Variants in RPL8 observed in about 807,000 individuals in gnomAD.
The protein encoded by RPL8 is large ribosomal subunit protein uL2.
For missense variants in RPL8, 248 were observed against 365.9 expected, an observed-to-expected ratio of 0.68 and a Z score of 2.63; for synonymous variants, 182 against 143.2, an observed-to-expected ratio of 1.27 and a Z score of -1.94.
chr8:144,791,715 T>C (rs1405001964), intron 2 of RPL8, 58 bp downstream of exon 2: 8 of 1,608,834 alleles, frequency 5.0e-6, no homozygotes, highest in Non-Finnish European at 6.8e-6. Flanking sequence ...CGTTAACTCC[T>C]CAGGCAACAC....
Position 144,791,795 on chromosome 8 carries a change from C to T in RPL8, c.258G>A (p.Gln86=), listed in dbSNP as rs11539905. 6.2e-3 allele frequency: 9,934 copies of T among 1,613,942 alleles called. 541 individuals are homozygous for T. In the African/African-American group the frequency reaches 0.12, roughly 19 times the overall value. ...FIAAEGIHTG[Q]FVYCGKKAQL... ...AACCCTTCTTGCCGCAATACACAAACTGGCCCGTGTGAATGCCCTCGGCGG... is the reference window on the plus strand; with the variant it reads ...AACCCTTCTTGCCGCAATACACAAATTGGCCCGTGTGAATGCCCTCGGCGG... Residue 86 remains glutamine, a synonymous_variant, in exon 2 of 5, where the codon CAG becomes CAA. Coordinates refer to ENST00000528957, the MANE Select transcript of RPL8 (RefSeq NM_001317782.2).
At position 144,789,893 on chromosome 8, in the gene RPL8, C is replaced by A. The variant is rs1235423139; in HGVS notation, c.685G>T (p.Ala229Ser). 3 of 1,613,308 alleles carry A rather than the reference C, an allele frequency of 1.9e-6. No individual in the cohort carries two copies. Among genetic ancestry groups the A allele is most frequent in the Non-Finnish European group, 2.5e-6 (3 of 1,179,868 alleles). The change falls in exon 5 of 5, where the codon GCC becomes TCC. Residue 229 changes from alanine (A) to serine (S), a missense_variant. Ala to Ser is a moderately conservative substitution (Grantham distance 99). Transcript: ENST00000528957. ...AGACCCACTTTGCGGCCAGCAGGGGCATCTCTGCGGATGGTGGAGGGCTTG... is the reference window on the plus strand; with the variant it reads ...AGACCCACTTTGCGGCCAGCAGGGGAATCTCTGCGGATGGTGGAGGGCTTG... ...IGKPSTIRRD[A>S]PAGRKVGLIA... is the part of the protein sequence containing the mutation.
rs758571880 is a variant in RPL8 at position 144,792,131 on chromosome 8, G to T, written c.-2C>A. 1 of 1,526,510 alleles carries T rather than the reference G, an allele frequency of 6.6e-7. No individual in the cohort carries two copies. Among genetic ancestry groups the T allele is most frequent in the Non-Finnish European group, 8.8e-7 (1 of 1,141,796 alleles). The allele number at this position is 1,526,510 out of a possible 1,614,324, so 94.6% of individuals were successfully genotyped here. ...CTGTCCACGGATCACACGGCCCATG[G>T]CGACGGGTCCTGGGGGCGACTCACG... On this transcript the variant is annotated 5_prime_UTR_variant, in exon 1 of 5. Transcript: ENST00000528957.
At position 144,791,925 on chromosome 8, in the gene RPL8, A is replaced by AGGCGGCGTGAG. The variant is rs1399316643; in HGVS notation, c.139-22_139-12dup. ...GTCGTGGATGATGTCCTGTGGGCAGAGGCGGCGTGAGTGCGGCGTTCCGGC... is the reference window on the plus strand; with the variant it reads ...GTCGTGGATGATGTCCTGTGGGCAGAGGCGGCGTGAGGGCGGCGTGAGTGCGGCGTTCCGGC... On this transcript the variant is annotated splice_polypyrimidine_tract_variant and intron_variant, in intron 1 of 4. Transcript: ENST00000528957. 5.6e-6 allele frequency: 9 copies of AGGCGGCGTGAG among 1,611,748 alleles called. No individual in the cohort carries two copies. The highest frequency in any genetic ancestry group is 7.6e-6 in the Non-Finnish European group (9 of 1,179,134).
chr8:144,790,714 A>AG, intron 3 of RPL8: 1 of 677,712 alleles, frequency 1.5e-6, no homozygotes. Context: ...CTCCAAGCGC[A>AG]GGGAAGCACC....
chr8:144,791,166 G>A (rs112564392), intron 3 of RPL8, 111 bp downstream of exon 3: 16 of 1,091,410 alleles, frequency 1.5e-5, no homozygotes, highest in Non-Finnish European at 2.2e-5. Flanking sequence ...CCAAGTTTTA[G>A]AACAACAGGT....
chr8:144,791,580 G>A, intron 2 of RPL8, 85 bp from the exon 3 acceptor site: 2 of 1,506,616 alleles, frequency 1.3e-6, no homozygotes, highest in Admixed American at 1.9e-5. Flanking sequence ...GAAGTTGCGA[G>A]CACAGCATTC....
At chr8:144,790,023 G>C (rs569958925) in intron 4 of RPL8, 61 bp from the exon 5 acceptor site, 4 of 1,515,404 alleles carry the variant, frequency 2.6e-6, no homozygotes, top group Non-Finnish European at 3.5e-6. Context: ...CCCCGGCCTC[G>C]GGGTCCCACC....
chr8:144,791,943 G>C (rs777454521), intron 1 of RPL8, 29 bp from the exon 2 acceptor site: 3 of 1,610,402 alleles, frequency 1.9e-6, no homozygotes, highest in Non-Finnish European at 2.5e-6. Context: ...TGAGTGCGGC[G>C]TTCCGGCCGG....
chr8:144,792,292 G>T lies in RPL8; in HGVS notation c.-163C>A. 1 of 1,053,846 alleles carries T rather than the reference G, an allele frequency of 9.5e-7. No individual in the cohort carries two copies. Among genetic ancestry groups the T allele is most frequent in the Non-Finnish European group, 1.3e-6 (1 of 795,338 alleles). 65.3% of individuals were successfully genotyped at this position (1,053,846 alleles called of 1,614,324 possible). On this transcript the variant is annotated 5_prime_UTR_variant, in exon 1 of 5. Transcript: ENST00000528957. Reference sequence around the variant, plus strand: ...GGCATCCTCTCAGGAGGGCCGGTCCGGGTCTCAGCGCGCCTCACGGAAGAG... The same window carrying T: ...GGCATCCTCTCAGGAGGGCCGGTCCTGGTCTCAGCGCGCCTCACGGAAGAG...
In RPL8 at chr8:144,791,309, T is replaced by G. The variant is rs764927433; in HGVS notation, c.467A>C (p.Lys156Thr). 1 of 1,612,270 alleles carries G rather than the reference T, an allele frequency of 6.2e-7. No homozygotes were observed. The highest frequency in any genetic ancestry group is 8.5e-7 in the Non-Finnish European group (1 of 1,179,876). Residue 156 changes from lysine to threonine, a missense_variant, in exon 3 of 5, where the codon AAG (lysine) becomes ACG (threonine). Coordinates refer to ENST00000528957, the MANE Select transcript of RPL8 (RefSeq NM_001317782.2). ...AGCTCTGTTGGCTGAGGAGATAACC[T>G]TCTTGGAGCCGGAGGGCAGCTTCAC... ...TRVKLPSGSK[K>T]VISSANRAVV...
In RPL8 at chr8:144,791,888, G is replaced by A; in HGVS notation, c.165C>T (p.Gly55=). The A allele has an allele frequency of 2.5e-6, 4 of 1,613,518 alleles. No individual in the cohort carries two copies. Among genetic ancestry groups the A allele is most frequent in the Non-Finnish European group, 3.4e-6 (4 of 1,180,016 alleles). The part of the protein sequence containing the change: ...VKDIIHDPGR[G]APLAKVVFRD... ...GGAAGACCACCTTGGCGAGGGGCGC[G>A]CCGCGGCCCGGGTCGTGGATGATGT... Residue 55 remains glycine (G), a synonymous_variant, in exon 2 of 5, where the codon GGC becomes GGT. Coordinates refer to ENST00000528957, the MANE Select transcript of RPL8 (RefSeq NM_001317782.2).
chr8:144,791,720 C>T lies in RPL8; in HGVS notation c.280+53G>A, dbSNP rs759477783. ...CGGCTTAGGACGTTAACTCCTCAGG[C>T]AACACCCAGACCCCTCCCCACCCCG... On this transcript the variant is annotated intron_variant, in intron 2 of 4. Transcript: ENST00000528957. 8.1e-6 allele frequency: 13 copies of T among 1,609,822 alleles called. No homozygotes were observed. The South Asian group carries it at 9.9e-5, about 12-fold the overall frequency.
chr8:144,792,311 G>A lies in RPL8; in HGVS notation c.-182C>T, dbSNP rs1018881919. On this transcript the variant is annotated 5_prime_UTR_variant, in exon 1 of 5. Coordinates refer to ENST00000528957, the MANE Select transcript of RPL8 (RefSeq NM_001317782.2). ...CGGTCCGGGTCTCAGCGCGCCTCAC[G>A]GAAGAGGATGGCGGCGGATACTGCC... The A allele has an allele frequency of 4.3e-6, 4 of 925,486 alleles. No homozygotes were observed. The highest frequency in any genetic ancestry group is 5.9e-6 in the Non-Finnish European group (4 of 681,984). 57.3% of individuals were successfully genotyped at this position (925,486 alleles called of 1,614,324 possible).
chr8:144,791,469 G>A lies in RPL8; in HGVS notation c.307C>T (p.Pro103Ser), dbSNP rs916015237. ...KAQLNIGNVL[P>S]VGTMPEGTIV... ...GTACCCTCAGGCATGGTGCCCACAG[G>A]GAGCACATTGCCAATGTTGAGCTGG... Residue 103 changes from proline (P) to serine (S), a missense_variant, in exon 3 of 5, where the codon CCT (proline) becomes TCT (serine). By Grantham distance (74) the Pro-to-Ser change is moderately conservative. Transcript: ENST00000528957. The A allele has an allele frequency of 7.4e-6, 12 of 1,613,828 alleles. No individual in the cohort carries two copies. The highest frequency in any genetic ancestry group is 1.0e-5 in the Non-Finnish European group (12 of 1,180,016).
chr8:144,791,294 G>A lies in RPL8; in HGVS notation c.482C>T (p.Ala161Val), dbSNP rs772674693. ...ATACTCACCAACCACAGCTCTGTTG[G>A]CTGAGGAGATAACCTTCTTGGAGCC... ...PSGSKKVISS[A>V]NRAVVGVVAG... Residue 161 changes from alanine to valine, a missense_variant, in exon 3 of 5, where the codon GCC becomes GTC. Physicochemically the swap from Ala to Val is moderately conservative, Grantham distance 64. Coordinates refer to ENST00000528957, the MANE Select transcript of RPL8 (RefSeq NM_001317782.2). The A allele has an allele frequency of 1.2e-6, 2 of 1,611,606 alleles. No individual in the cohort carries two copies. Among genetic ancestry groups the A allele is most frequent in the South Asian group, 1.1e-5 (1 of 91,004 alleles).
At chr8:144,791,959 C>T (rs768787215) in intron 1 of RPL8, 33 bp downstream of exon 1, 1 of 1,609,632 alleles carries the variant, frequency 6.2e-7, no homozygotes, top group Admixed American at 1.7e-5. Context: ...GCCGGGCGTC[C>T]CTTCCCCTCC....
intron 2 of RPL8, 125 bp from the exon 3 acceptor site, chr8:144,791,620 G>A (rs1004494023): frequency 6.8e-7 from 1 of 1,469,188 alleles, no homozygotes; most frequent in African/African-American, 1.4e-5. Context: ...CAACTCTCTC[G>A]GCACCCACCG....
chr8:144,792,238 T>G lies in RPL8; in HGVS notation c.-109A>C. On this transcript the variant is annotated 5_prime_UTR_variant, in exon 1 of 5. Transcript: ENST00000528957. ...CCCCCGAGGCCGCCGCGCCCACCACTCCCTACCCTCTCCGCGGGCGCCCGC... is the reference window on the plus strand; with the variant it reads ...CCCCCGAGGCCGCCGCGCCCACCACGCCCTACCCTCTCCGCGGGCGCCCGC... 2.2e-6 allele frequency: 3 copies of G among 1,346,474 alleles called. No homozygotes were observed. The highest frequency in any genetic ancestry group is 2.9e-6 in the Non-Finnish European group (3 of 1,049,738). 83.4% of individuals were successfully genotyped at this position (1,346,474 alleles called of 1,614,324 possible).
Sources: gnomAD v4.1 joint callset for allele counts on GRCh38, gnomAD v4.1.1 for gene constraint, MANE v1.5 for transcripts, NCBI Gene and HGNC (gene_info 2026-07-23, HGNC 2026-07-21) for gene names.